PPARG: variants seen among roughly 807,000 people sequenced by gnomAD.
PPARG encodes peroxisome proliferator activated receptor gamma.
Under a neutral mutation model 39.2 loss-of-function variants are expected in PPARG, and 17 were observed. That is an observed-to-expected ratio of 0.43 (90% CI 0.30 to 0.65). PPARG has a LOEUF of 0.65. Among genes scored for constraint, PPARG ranks in the 30% least tolerant of loss-of-function variants. The probability of loss-of-function intolerance (pLI) is 0.13; values close to 1 mark genes in which losing one functional copy is unlikely to be tolerated. For missense variants in PPARG, 406 were observed against 585.9 expected, an observed-to-expected ratio of 0.69 and a Z score of 3.17; for synonymous variants, 223 against 215.7, an observed-to-expected ratio of 1.03 and a Z score of -0.30.
chr3:12,334,081 C>T (rs76608844), intron 2 of PPARG, among the ~76,000 whole-genome samples: 4,852 of 152,196 alleles, frequency 0.032, 265 homozygotes, highest in East Asian at 0.28. Context: ...CAGCTTCTTT[C>T]TCCCAGAAGA....
chr3:12,421,469 G>A (rs1459111731), intron 7 of PPARG, among the ~76,000 whole-genome samples: 8 of 152,196 alleles, frequency 5.3e-5, no homozygotes, highest in African/African-American at 1.7e-4. Context: ...AAAGCCAAGC[G>A]TAAAGCTCAG....
intron 2 of PPARG, among the ~76,000 whole-genome samples, chr3:12,322,109 A>G (rs1327856717): frequency 2.0e-5 from 3 of 152,242 alleles, no homozygotes; most frequent in Non-Finnish European, 4.4e-5. Flanking sequence ...TAATCTTTGC[A>G]TAGACTTTTT....
At chr3:12,388,140 A>T (rs1282660831) in intron 4 of PPARG, among the ~76,000 whole-genome samples, 1 of 152,184 alleles carries the variant, frequency 6.6e-6, no homozygotes, top group African/African-American at 2.4e-5. Flanking sequence ...ACAGTTCTAT[A>T]CATTAGCATT....
At chr3:12,290,939 C>T (rs959708449) in intron 1 of PPARG, among the ~76,000 whole-genome samples, 2 of 152,184 alleles carry the variant, frequency 1.3e-5, no homozygotes, top group African/African-American at 4.8e-5. Context: ...ACTTTCACTT[C>T]TTTCCTAGCA....
chr3:12,381,365 G>A lies in PPARG; in HGVS notation c.264G>A (p.Glu88=). 1.2e-6 allele frequency: 2 copies of A among 1,613,356 alleles called. No homozygotes were observed. The highest frequency in any genetic ancestry group is 1.7e-6 in the Non-Finnish European group (2 of 1,179,700). Residue 88 remains glutamate, a synonymous_variant, in exon 4 of 8, where the codon GAG becomes GAA. Transcript: ENST00000651735. ...CTGCATCTCCACCTTATTATTCTGA[G>A]AAGACTCAGCTCTACAATAAGCCTC... ...VEPASPPYYS[E]KTQLYNKPHE...
intron 6 of PPARG, among the ~76,000 whole-genome samples, chr3:12,409,686 G>A (rs952493088): frequency 6.6e-6 from 1 of 152,208 alleles, no homozygotes; most frequent in African/African-American, 2.4e-5. Context: ...GATGTCATTA[G>A]TGTTGGTTAG....
At chr3:12,363,515 C>G (rs1559508478) in intron 2 of PPARG, among the ~76,000 whole-genome samples, 1 of 152,152 alleles carries the variant, frequency 6.6e-6, no homozygotes, top group African/African-American at 2.4e-5. Context: ...GACTAAACAA[C>G]TCTGAGTAAG....
intron 4 of PPARG, among the ~76,000 whole-genome samples, chr3:12,385,104 G>A (rs1338982380): frequency 2.0e-5 from 3 of 152,044 alleles, no homozygotes; most frequent in Non-Finnish European, 4.4e-5. Flanking sequence ...TAACCAATAC[G>A]CAATAAAAAG....
chr3:12,397,252 T>C (rs1369874768), intron 5 of PPARG, among the ~76,000 whole-genome samples: 1 of 151,770 alleles, frequency 6.6e-6, no homozygotes, highest in Non-Finnish European at 1.5e-5. Flanking sequence ...TTTCACAAAT[T>C]TTTGTGACAC....
rs566074269 is a variant in PPARG, at chr3:12,329,203, G to A, written c.-9+16750G>A. Among the ~76,000 whole-genome samples, 5 of 148,006 alleles carry A rather than the reference G, an allele frequency of 3.4e-5. No homozygotes were observed. The South Asian group carries it at 1.1e-3, about 32-fold the overall frequency. On this transcript the variant is annotated intron_variant, in intron 2 of 7. Coordinates refer to ENST00000651735, the MANE Select transcript of PPARG (RefSeq NM_138711.6). ...AAAAAACCTACTGCATAGTGTAATA[G>A]TGCTCTCACTTTTCTCTCCTTGATT...
chr3:12,393,905 G>T (rs1360801156), intron 5 of PPARG, among the ~76,000 whole-genome samples: 2 of 151,958 alleles, frequency 1.3e-5, no homozygotes, highest in Admixed American at 6.6e-5. Context: ...ATTACTAATG[G>T]GTCAGTTCCT....
intron 2 of PPARG, among the ~76,000 whole-genome samples, chr3:12,377,065 C>G (rs1435856684): frequency 6.6e-6 from 1 of 152,104 alleles, no homozygotes; most frequent in Non-Finnish European, 1.5e-5. Context: ...AGTCCAGGTA[C>G]CTATTGCAGA....
chr3:12,380,924 CTTATAAAATGGAATA>C (rs1464016413), intron 3 of PPARG, among the ~76,000 whole-genome samples: 1 of 152,098 alleles, frequency 6.6e-6, no homozygotes, highest in Non-Finnish European at 1.5e-5. Context: ...TTTCAAAGTA[CTTATAAAATGGAATA>C]TTTAAATAAA....
intron 2 of PPARG, among the ~76,000 whole-genome samples, chr3:12,314,719 G>A (rs188673162): frequency 6.6e-6 from 1 of 152,298 alleles, no homozygotes; most frequent in East Asian, 1.9e-4. Flanking sequence ...TGGGATCCTG[G>A]ATTGGATCCT....
intron 6 of PPARG, among the ~76,000 whole-genome samples, chr3:12,407,374 G>C (rs750285115): frequency 3.9e-5 from 6 of 152,132 alleles, no homozygotes; most frequent in Non-Finnish European, 8.8e-5. Flanking sequence ...TGTTGGCCAG[G>C]ATGGTCTTGA....
intron 2 of PPARG, among the ~76,000 whole-genome samples, chr3:12,368,199 T>TGAGA (rs2049084429): frequency 1.3e-5 from 2 of 149,276 alleles, no homozygotes; most frequent in Non-Finnish European, 3.0e-5. Flanking sequence ...TGTTTTTTTT[T>TGAGA]CAGACAGTGT....
chr3:12,333,477 C>T (rs978383446), intron 2 of PPARG, among the ~76,000 whole-genome samples: 6 of 151,974 alleles, frequency 3.9e-5, no homozygotes, highest in East Asian at 1.9e-4. Flanking sequence ...TTGTTGTTGT[C>T]GTTTTGAGAC....
intron 1 of PPARG, 39 bp downstream of exon 1, chr3:12,289,173 G>C (rs772058874): frequency 3.9e-5 from 6 of 152,164 alleles, no homozygotes; most frequent in Non-Finnish European, 8.8e-5. Context: ...GTTGGAATGT[G>C]TTGGTGATAG....
intron 2 of PPARG, among the ~76,000 whole-genome samples, chr3:12,352,243 A>G (rs2048511630): frequency 6.6e-6 from 1 of 152,214 alleles, no homozygotes; most frequent in African/African-American, 2.4e-5. Flanking sequence ...ACTTCCTAGC[A>G]TAGTGCCTAA....
Sources: gnomAD v4.1 joint callset for allele counts (sites outside exome capture counted in the v4.1 genomes callset) on GRCh38, gnomAD v4.1.1 for gene constraint, MANE v1.5 for transcripts, NCBI Gene and HGNC (gene_info 2026-07-23, HGNC 2026-07-21) for gene names.